MTURN: variants seen among roughly 807,000 people sequenced by gnomAD.
MTURN encodes maturin.
A neutral mutation model predicts 14.9 loss-of-function variants in MTURN; 7 were observed. The observed-to-expected ratio is 0.47, with a 90% confidence interval of 0.27 to 0.88. The LOEUF is 0.88. Ranked by LOEUF, MTURN falls within the 40% of genes least tolerant of loss-of-function variation. The probability of loss-of-function intolerance (pLI) is 0.14; values close to 1 mark genes in which losing one functional copy is unlikely to be tolerated. For missense variants in MTURN, 151 were observed against 174.1 expected (o/e 0.87, Z 0.75); for synonymous variants, 69 against 72.5 (o/e 0.95, Z 0.25).
At chr7:30,146,478 G>A (rs558107567) in intron 2 of MTURN, among the ~76,000 whole-genome samples, 179 bp downstream of exon 2, 2 of 152,136 alleles carry the variant, frequency 1.3e-5, no homozygotes, top group Admixed American at 6.5e-5. Flanking sequence ...GGAGGGGGAC[G>A]GGATGTGACA....
intron 2 of MTURN, among the ~76,000 whole-genome samples, chr7:30,149,520 A>G (rs73305192): frequency 0.13 from 20,148 of 152,154 alleles, 1,501 homozygotes; most frequent in African/African-American, 0.19. Flanking sequence ...CCCCAGACTG[A>G]ATGAGAGGGA....
At chr7:30,154,590 C>T (rs930220862) in intron 2 of MTURN, among the ~76,000 whole-genome samples, 4 of 152,308 alleles carry the variant, frequency 2.6e-5, no homozygotes, top group Non-Finnish European at 4.4e-5. Flanking sequence ...GGTATCATGG[C>T]GCTTTACAGA....
At chr7:30,144,722 G>A (rs1437347143) in intron 1 of MTURN, among the ~76,000 whole-genome samples, 1 of 152,138 alleles carries the variant, frequency 6.6e-6, no homozygotes, top group Non-Finnish European at 1.5e-5. Context: ...TTGGATCTGA[G>A]CAGTATTTTA....
rs553435354 is a variant in MTURN at position 30,149,163 on chromosome 7, G to A, written c.285+2864G>A. 9.8e-5 allele frequency among the ~76,000 whole-genome samples: 15 copies of A among 152,326 alleles called. No homozygotes were observed. The South Asian group carries it at 2.3e-3, about 23-fold the overall frequency. On this transcript the variant is annotated intron_variant, in intron 2 of 2. Coordinates refer to ENST00000324453, the MANE Select transcript of MTURN (RefSeq NM_152793.3). Reference sequence around the variant, plus strand: ...CCACGTTAAATGAGGAAACAAATGCGGTCCAAAAGAAATCCGGATGTGCAG... The same window carrying A: ...CCACGTTAAATGAGGAAACAAATGCAGTCCAAAAGAAATCCGGATGTGCAG...
chr7:30,157,616 G>A lies in MTURN; in HGVS notation c.*68G>A. On this transcript the variant is annotated 3_prime_UTR_variant, in exon 3 of 3. Transcript: ENST00000324453. ...CCTAGGTGGGGTCACTGCCCCTCCT[G>A]GGTTAGCATTTTGCATTAGCACTTC... 1 of 1,212,130 alleles carries A rather than the reference G, an allele frequency of 8.2e-7. No homozygotes were observed. Among genetic ancestry groups the A allele is most frequent in the Non-Finnish European group, 1.1e-6 (1 of 875,858 alleles). The allele number at this position is 1,212,130 out of a possible 1,614,324, so 75.1% of individuals were successfully genotyped here. A position where few individuals can be genotyped will look rare whatever the true frequency, so the allele number is the denominator to read the frequency against.
chr7:30,148,107 AGAAAG>A (rs1797154737), intron 2 of MTURN, among the ~76,000 whole-genome samples: 1 of 152,240 alleles, frequency 6.6e-6, no homozygotes, highest in African/African-American at 2.4e-5. Flanking sequence ...AGTGCCAAAG[AGAAAG>A]GAAAGAAATC....
chr7:30,137,530 T>C, intron 1 of MTURN: 1 of 451,822 alleles, frequency 2.2e-6, no homozygotes, highest in African/African-American at 2.1e-5. Flanking sequence ...AAGTGTCATG[T>C]AAACTGACAA....
intron 2 of MTURN, among the ~76,000 whole-genome samples, chr7:30,148,639 T>C (rs1384701210): frequency 6.6e-6 from 1 of 151,602 alleles, no homozygotes; most frequent in Non-Finnish European, 1.5e-5. Context: ...ACCTTGAGAG[T>C]AGACCCAGCT....
chr7:30,150,432 G>A (rs962903332), intron 2 of MTURN, among the ~76,000 whole-genome samples: 2 of 152,198 alleles, frequency 1.3e-5, no homozygotes, highest in African/African-American at 2.4e-5. Flanking sequence ...TGATCCACAC[G>A]ACTCACTGTG....
chr7:30,156,971 T>C lies in MTURN; in HGVS notation c.286-467T>C, dbSNP rs557403835. ...CCATTTCAATAACACCATAACCATT[T>C]TGCTGTTGAACATTTTAGTTGTCTC... On this transcript the variant is annotated intron_variant, in intron 2 of 2. Transcript: ENST00000324453. Among the ~76,000 whole-genome samples the C allele has an allele frequency of 7.9e-5, 12 of 152,366 alleles. No homozygotes were observed. The East Asian group carries it at 2.3e-3, about 29-fold the overall frequency.
At chr7:30,137,373 G>A in intron 1 of MTURN, 1 of 319,360 alleles carries the variant, frequency 3.1e-6, no homozygotes, top group Admixed American at 3.9e-5. Context: ...AGTGGGCCAG[G>A]AAGACAAAAG....
At chr7:30,149,105 G>C (rs1373549209) in intron 2 of MTURN, among the ~76,000 whole-genome samples, 1 of 152,104 alleles carries the variant, frequency 6.6e-6, no homozygotes, top group Admixed American at 6.5e-5. Context: ...TTTCCTTACC[G>C]AGGCTCTGGT....
chr7:30,149,957 T>G (rs1334141983), intron 2 of MTURN, among the ~76,000 whole-genome samples: 1 of 152,212 alleles, frequency 6.6e-6, no homozygotes, highest in Non-Finnish European at 1.5e-5. Context: ...GCTTGTCATC[T>G]CTTAACCCAA....
rs962696948 is a variant in MTURN, at chr7:30,135,184, C to T, written c.48C>T (p.Asn16=). 7 of 1,495,418 alleles carry T rather than the reference C, an allele frequency of 4.7e-6. No individual in the cohort carries two copies. The highest frequency in any genetic ancestry group is 1.2e-5 in the South Asian group (1 of 80,304). 92.6% of individuals were successfully genotyped at this position (1,495,418 alleles called of 1,614,324 possible). A position where few individuals can be genotyped will look rare whatever the true frequency, so the allele number is the denominator to read the frequency against. The change falls in exon 1 of 3, where the codon AAC becomes AAT. Residue 16 remains asparagine, a synonymous_variant. Transcript: ENST00000324453. ...ACGTTGCGGAGAAATGGTGCTCCAA[C>T]ACGCCCTTCGAGCTCATCGCCACCG... ...LADVAEKWCS[N]TPFELIATEE... is the part of the protein sequence containing the mutation.
intron 2 of MTURN, among the ~76,000 whole-genome samples, chr7:30,151,663 G>A (rs770045756): frequency 6.6e-6 from 1 of 152,094 alleles, no homozygotes; most frequent in Non-Finnish European, 1.5e-5. Flanking sequence ...CCTTACCAAC[G>A]CTGTGGACAT....
intron 1 of MTURN, among the ~76,000 whole-genome samples, chr7:30,136,616 G>A (rs1583500626): frequency 6.6e-6 from 1 of 152,126 alleles, no homozygotes; most frequent in Admixed American, 6.5e-5. Context: ...GCTTATGTAT[G>A]CCTGGCCGAT....
At chr7:30,143,771 C>G (rs950104190) in intron 1 of MTURN, among the ~76,000 whole-genome samples, 1 of 152,178 alleles carries the variant, frequency 6.6e-6, no homozygotes, top group Admixed American at 6.5e-5. Context: ...TGAACAATCT[C>G]TTCATGAGGT....
chr7:30,157,464 C>A lies in MTURN; in HGVS notation c.312C>A (p.Asp104Glu), dbSNP rs960041083. ...RPLLGLPDAD[D>E]DAFEEYSADV... ...TACTGGGGCTTCCGGATGCAGATGA[C>A]GATGCGTTTGAAGAGTACAGTGCTG... The change falls in exon 3 of 3, where the codon GAC becomes GAA. Residue 104 changes from aspartate (D) to glutamate (E), a missense_variant. Physicochemically the swap from Asp to Glu is conservative, Grantham distance 45 (BLOSUM62 2). Transcript: ENST00000324453. The A allele has an allele frequency of 1.8e-5, 29 of 1,601,882 alleles. No homozygotes were observed. Among genetic ancestry groups the A allele is most frequent in the Non-Finnish European group, 2.3e-5 (27 of 1,174,908 alleles).
intron 2 of MTURN, among the ~76,000 whole-genome samples, chr7:30,148,153 T>C (rs1039077597): frequency 1.3e-5 from 2 of 152,188 alleles, no homozygotes; most frequent in Admixed American, 6.5e-5. Flanking sequence ...TCAGGGGTCC[T>C]GGAATTTTTG....
Sources: gnomAD v4.1 joint callset for allele counts (sites outside exome capture counted in the v4.1 genomes callset) on GRCh38, gnomAD v4.1.1 for gene constraint, MANE v1.5 for transcripts, NCBI Gene and HGNC (gene_info 2026-07-23, HGNC 2026-07-21) for gene names.